The following TCF4 variants were observed in gnomAD, a reference collection of about 807,000 sequenced individuals.
The protein encoded by TCF4 is transcription factor 4, also known as SL3-3 enhancer factor 2.
Under a neutral mutation model 82.1 loss-of-function variants are expected in TCF4, and 3 were observed. The ratio of observed to expected loss-of-function variants is 0.04; its 90% confidence interval spans 0.02 to 0.09. The LOEUF is 0.09. TCF4 is among the 10% of genes least tolerant of loss of function. TCF4 has a pLI of 1.00. For missense variants in TCF4, 518 were observed against 852.7 expected (o/e 0.61, Z 4.89); for synonymous variants, 276 against 309.6 (o/e 0.89, Z 1.14).
chr18:55,293,427 A>G (rs2146667353), intron 8 of TCF4, among the ~76,000 whole-genome samples: 1 of 152,286 alleles, frequency 6.6e-6, no homozygotes, highest in Non-Finnish European at 1.5e-5. Flanking sequence ...AATGTTCTTC[A>G]TTCCACCAAG....
rs2046487167 is a variant in TCF4 at position 55,225,585 on chromosome 18, G to A, written c.*2450C>T. 6.6e-6 allele frequency: 1 copy of A among 152,512 alleles called. No homozygotes were observed. The allele number at this position is 152,512 out of a possible 1,614,324, so 9.4% of individuals were successfully genotyped here. A position where few individuals can be genotyped will look rare whatever the true frequency, so the allele number is the denominator to read the frequency against. On this transcript the variant is annotated 3_prime_UTR_variant, in exon 20 of 20. Transcript: ENST00000354452. ...CGCCTTGGTAGACTATACAAAATGAGTGCAGAATGTACCACTAAAAGGAAA... is the reference window on the plus strand; with the variant it reads ...CGCCTTGGTAGACTATACAAAATGAATGCAGAATGTACCACTAAAAGGAAA...
intron 6 of TCF4, among the ~76,000 whole-genome samples, chr18:55,393,882 A>G (rs1421915034): frequency 6.6e-6 from 1 of 152,234 alleles, no homozygotes; most frequent in African/African-American, 2.4e-5. Context: ...TAGCTTGCCA[A>G]TTTAATTGAG....
chr18:55,443,772 TGAGA>T (rs2095480525), intron 5 of TCF4, among the ~76,000 whole-genome samples: 1 of 152,168 alleles, frequency 6.6e-6, no homozygotes, highest in Non-Finnish European at 1.5e-5. Context: ...GAAAGAATAC[TGAGA>T]GAAAGGATCC....
At chr18:55,516,203 T>TAC (rs2096879980) in intron 3 of TCF4, among the ~76,000 whole-genome samples, 2 of 152,130 alleles carry the variant, frequency 1.3e-5, no homozygotes, top group South Asian at 4.1e-4. Context: ...TTCTAACTGT[T>TAC]ACCTTGAACA....
intron 3 of TCF4, among the ~76,000 whole-genome samples, chr18:55,544,356 A>C (rs142767927): frequency 6.6e-6 from 1 of 152,326 alleles, no homozygotes; most frequent in East Asian, 1.9e-4. Context: ...TAGGGGGCTG[A>C]GTATCATTAT....
intron 3 of TCF4, among the ~76,000 whole-genome samples, chr18:55,533,388 G>C (rs1321892351): frequency 1.3e-5 from 2 of 152,100 alleles, no homozygotes; most frequent in Non-Finnish European, 2.9e-5. Context: ...ACAGACCACG[G>C]GGACCCATAA....
At chr18:55,601,335 C>A (rs1017091004) in intron 2 of TCF4, among the ~76,000 whole-genome samples, 3 of 152,154 alleles carry the variant, frequency 2.0e-5, no homozygotes, top group Non-Finnish European at 4.4e-5. Flanking sequence ...ATCTGCCCAC[C>A]TCTTCCCAAG....
intron 5 of TCF4, among the ~76,000 whole-genome samples, chr18:55,442,104 G>A (rs895168895): frequency 4.6e-5 from 7 of 152,144 alleles, no homozygotes. Context: ...AATGAACAAT[G>A]TGCAAAATAG....
At chr18:55,389,628 G>A (rs2092908501) in intron 6 of TCF4, among the ~76,000 whole-genome samples, 1 of 152,158 alleles carries the variant, frequency 6.6e-6, no homozygotes, top group East Asian at 1.9e-4. Context: ...AAGCAGCTCA[G>A]TAGGGCTGGA....
chr18:55,369,092 C>T (rs541540646), intron 6 of TCF4, among the ~76,000 whole-genome samples: 100 of 152,246 alleles, frequency 6.6e-4, no homozygotes, highest in Non-Finnish European at 1.2e-3. Context: ...AAAATGGTGA[C>T]GTCTGTTGAA....
intron 2 of TCF4, among the ~76,000 whole-genome samples, chr18:55,597,742 C>T (rs1047598336): frequency 6.6e-6 from 1 of 152,044 alleles, no homozygotes; most frequent in South Asian, 2.1e-4. Context: ...AACAGATAAT[C>T]TTTTGCCTAT....
At chr18:55,462,172 T>C (rs1222827581) in intron 4 of TCF4, among the ~76,000 whole-genome samples, 1 of 152,162 alleles carries the variant, frequency 6.6e-6, no homozygotes, top group Non-Finnish European at 1.5e-5. Context: ...TCACCTTTCC[T>C]CGTGTATAAC....
At chr18:55,298,476 C>T (rs1601814731) in intron 8 of TCF4, among the ~76,000 whole-genome samples, 1 of 152,082 alleles carries the variant, frequency 6.6e-6, no homozygotes, top group Non-Finnish European at 1.5e-5. Flanking sequence ...TTGCTATGAG[C>T]CCCCAATACT....
intron 5 of TCF4, among the ~76,000 whole-genome samples, chr18:55,446,892 A>T (rs962408996): frequency 5.3e-5 from 8 of 150,678 alleles, no homozygotes; most frequent in African/African-American, 2.0e-4. Context: ...AGGCTAAGGC[A>T]GGAGAATGGC....
chr18:55,392,837 G>A (rs1312969956), intron 6 of TCF4, among the ~76,000 whole-genome samples: 1 of 151,984 alleles, frequency 6.6e-6, no homozygotes, highest in Non-Finnish European at 1.5e-5. Flanking sequence ...CATATAGTGG[G>A]CAACTTGTCT....
intron 3 of TCF4, among the ~76,000 whole-genome samples, chr18:55,560,754 C>T (rs573209510): frequency 2.0e-5 from 3 of 152,060 alleles, no homozygotes; most frequent in Non-Finnish European, 4.4e-5. Flanking sequence ...CATTTGCTGC[C>T]ACCATCAAGC....
intron 3 of TCF4, among the ~76,000 whole-genome samples, chr18:55,561,173 C>T (rs2097351918): frequency 6.6e-6 from 1 of 152,188 alleles, no homozygotes; most frequent in African/African-American, 2.4e-5. Flanking sequence ...CCTTCAAGAC[C>T]CAACTGCTCA....
intron 8 of TCF4, among the ~76,000 whole-genome samples, chr18:55,329,419 G>C (rs992802434): frequency 3.9e-5 from 6 of 152,116 alleles, no homozygotes; most frequent in Admixed American, 2.6e-4. Context: ...TCTATTAAAA[G>C]ACAACAACTT....
At chr18:55,322,336 C>T in intron 8 of TCF4, 1 of 1,017,642 alleles carries the variant, frequency 9.8e-7, no homozygotes, top group African/African-American at 1.7e-5. Flanking sequence ...ATAACTCTGC[C>T]ATCTGTCTCT....
Sources: allele counts gnomAD v4.1 joint callset (sites outside exome capture counted in the v4.1 genomes callset), GRCh38; gene constraint gnomAD v4.1.1; transcripts MANE v1.5; gene names NCBI Gene and HGNC (gene_info 2026-07-23, HGNC 2026-07-21).